The following TMPRSS12 variants were observed in gnomAD, a reference collection of about 807,000 sequenced individuals.
TMPRSS12 encodes the protein transmembrane protease serine 12.
Under a neutral mutation model 26.0 loss-of-function variants are expected in TMPRSS12, and 25 were observed. The observed-to-expected ratio is 0.96, with a 90% CI of 0.70 to 1.34. The LOEUF (loss-of-function observed/expected upper bound fraction) is 1.34, where lower values mean the gene tolerates loss of function less well. Ranked by LOEUF, TMPRSS12 falls within the 40% of genes most tolerant of loss-of-function variation. The probability of loss-of-function intolerance (pLI) is 0.00; values close to 1 mark genes in which losing one functional copy is unlikely to be tolerated. For synonymous variants in TMPRSS12, 150 were observed against 161.7 expected, an observed-to-expected ratio of 0.93 and a Z score of 0.55; for missense variants, 441 against 440.1, an observed-to-expected ratio of 1.00 and a Z score of -0.02.
At chr12:50,882,008 T>A (rs1395119597) in intron 3 of TMPRSS12, among the ~76,000 whole-genome samples, 1 of 18,010 alleles carries the variant, frequency 5.6e-5, no homozygotes, top group Non-Finnish European at 9.5e-5. Flanking sequence ...AATATATATA[T>A]ATATATATAT....
intron 3 of TMPRSS12, among the ~76,000 whole-genome samples, chr12:50,883,342 A>T (rs1159186664): frequency 6.6e-6 from 1 of 152,222 alleles, no homozygotes; most frequent in East Asian, 1.9e-4. Context: ...ACTCAAAAAA[A>T]ATAGAATTAA....
At chr12:50,849,703 G>A (rs1423386816) in intron 2 of TMPRSS12, among the ~76,000 whole-genome samples, 1 of 151,094 alleles carries the variant, frequency 6.6e-6, no homozygotes, top group East Asian at 1.9e-4. Flanking sequence ...GCTGTTTTGT[G>A]TGTCAGTAGA....
At chr12:50,857,478 CAT>C (rs971656593) in intron 2 of TMPRSS12, among the ~76,000 whole-genome samples, 2 of 152,174 alleles carry the variant, frequency 1.3e-5, no homozygotes, top group Non-Finnish European at 2.9e-5. Flanking sequence ...CACACACACA[CAT>C]ATGCATGCAC....
rs1158118896 is a variant in TMPRSS12, at chr12:50,872,555, A to AT, written c.653-12691_653-12690insT. Among the ~76,000 whole-genome samples, 3 of 125,104 alleles carry AT rather than the reference A, an allele frequency of 2.4e-5. 1 individual carries two copies. Among genetic ancestry groups the AT allele is most frequent in the East Asian group, 5.2e-4 (2 of 3,850 alleles). The allele number at this position is 125,104 out of a possible 152,430, so 82.1% of individuals were successfully genotyped here. A position where few individuals can be genotyped will look rare whatever the true frequency, so the allele number is the denominator to read the frequency against. On this transcript the variant is annotated intron_variant, in intron 3 of 4. Transcript: ENST00000398458. ...AAAAAAAAAAAAAGGAACTGTGAAA[A>AT]AAATATATATATATGCCATATATAT...
intron 3 of TMPRSS12, among the ~76,000 whole-genome samples, chr12:50,861,208 A>G (rs982770870): frequency 6.6e-6 from 1 of 152,228 alleles, no homozygotes; most frequent in Non-Finnish European, 1.5e-5. Flanking sequence ...AAGCCTGAAT[A>G]TTTAATAACT....
intron 2 of TMPRSS12, among the ~76,000 whole-genome samples, chr12:50,853,775 C>G (rs945568048): frequency 2.0e-5 from 3 of 151,846 alleles, no homozygotes; most frequent in African/African-American, 7.3e-5. Flanking sequence ...AAAATAGAAC[C>G]AGGAAGAAAT....
chr12:50,881,906 G>A (rs2139737712), intron 3 of TMPRSS12, among the ~76,000 whole-genome samples: 1 of 140,288 alleles, frequency 7.1e-6, no homozygotes, highest in East Asian at 2.2e-4. Context: ...CTGAGGCAGA[G>A]GTTGCAGTGA....
chr12:50,848,989 C>T (rs1937799624), intron 2 of TMPRSS12, among the ~76,000 whole-genome samples: 1 of 152,166 alleles, frequency 6.6e-6, no homozygotes, highest in Non-Finnish European at 1.5e-5. Flanking sequence ...TTCAGCCTCC[C>T]CAGTAGCTGG....
At chr12:50,843,207 T>C in intron 1 of TMPRSS12, 56 bp downstream of exon 1, 2 of 1,449,048 alleles carry the variant, frequency 1.4e-6, no homozygotes, top group Non-Finnish European at 1.8e-6. Flanking sequence ...TCCCCACCGC[T>C]ATAGTCTTTG....
In TMPRSS12 at chr12:50,883,984, A is replaced by C. The variant is rs1219149279; in HGVS notation, c.653-1262A>C. Among the ~76,000 whole-genome samples, 5 of 152,216 alleles carry C rather than the reference A, an allele frequency of 3.3e-5. No individual in the cohort carries two copies. In the South Asian group the frequency reaches 1.0e-3, roughly 31 times the overall value. ...CACTGCACTCTGGGACCCAGGCAAG[A>C]GGGCAAGACCCTGTCTCAAAAATAA... On this transcript the variant is annotated intron_variant, in intron 3 of 4. Transcript: ENST00000398458.
intron 3 of TMPRSS12, among the ~76,000 whole-genome samples, chr12:50,865,618 G>T (rs1937983836): frequency 6.7e-6 from 1 of 148,290 alleles, no homozygotes; most frequent in Admixed American, 6.7e-5. Context: ...CATGAATCCA[G>T]ATAAAATATT....
At chr12:50,884,365 C>T (rs1938203011) in intron 3 of TMPRSS12, among the ~76,000 whole-genome samples, 1 of 152,076 alleles carries the variant, frequency 6.6e-6, no homozygotes. Context: ...GCTCTAAAAT[C>T]CATTGGAATT....
At chr12:50,880,859 A>G (rs942423610) in intron 3 of TMPRSS12, among the ~76,000 whole-genome samples, 2 of 151,726 alleles carry the variant, frequency 1.3e-5, no homozygotes, top group African/African-American at 2.4e-5. Context: ...AAACCTTGGT[A>G]TATAGCTAAA....
chr12:50,864,880 C>T (rs1051029087), intron 3 of TMPRSS12, among the ~76,000 whole-genome samples: 8 of 152,122 alleles, frequency 5.3e-5, no homozygotes, highest in Admixed American at 3.9e-4. Flanking sequence ...AGGATGGTCT[C>T]GATCTCCTGA....
Position 50,872,507 on chromosome 12 carries a change from G to A in TMPRSS12, c.653-12739G>A, listed in dbSNP as rs1244174349. The stretch of plus-strand genomic sequence containing the variant: ...CGCAGTCTGGCCTGGGCGACAGAGC[G>A]AGACTCCGTCTCAAAAAAAAAAAAA... On this transcript the variant is annotated intron_variant, in intron 3 of 4. Transcript: ENST00000398458. 2.1e-4 allele frequency among the ~76,000 whole-genome samples: 21 copies of A among 100,946 alleles called. 2 individuals are homozygous for A. The highest frequency in any genetic ancestry group is 2.0e-3 in the Admixed American group (15 of 7,572). The allele number at this position is 100,946 out of a possible 152,430, so 66.2% of individuals were successfully genotyped here.
intron 3 of TMPRSS12, among the ~76,000 whole-genome samples, chr12:50,869,332 T>A (rs1330259611): frequency 6.6e-6 from 1 of 152,070 alleles, no homozygotes; most frequent in Non-Finnish European, 1.5e-5. Context: ...CAACTGACAC[T>A]ACAGAAATAC....
intron 3 of TMPRSS12, among the ~76,000 whole-genome samples, chr12:50,875,600 A>G (rs944047391): frequency 1.3e-5 from 2 of 152,112 alleles, no homozygotes; most frequent in African/African-American, 4.8e-5. Flanking sequence ...CAGAATAGAC[A>G]TCCCAGAAAT....
chr12:50,878,424 TAAAA>T (rs59960784), intron 3 of TMPRSS12, among the ~76,000 whole-genome samples: 3 of 150,084 alleles, frequency 2.0e-5, no homozygotes, highest in Admixed American at 6.7e-5. Flanking sequence ...TCTGCAAAAA[TAAAA>T]AAAAACAGGT....
chr12:50,884,393 C>A (rs1231660963), intron 3 of TMPRSS12, among the ~76,000 whole-genome samples: 4 of 152,148 alleles, frequency 2.6e-5, no homozygotes. Context: ...TTTAGTAATA[C>A]AGCCAGCATA....
Sources: gnomAD v4.1 joint callset for allele counts (sites outside exome capture counted in the v4.1 genomes callset) on GRCh38, gnomAD v4.1.1 for gene constraint, MANE v1.5 for transcripts, NCBI Gene and HGNC (gene_info 2026-07-23, HGNC 2026-07-21) for gene names.